TPD52: variants seen among roughly 807,000 people sequenced by gnomAD.
The protein encoded by TPD52 is tumor protein D52.
In TPD52, 17 loss-of-function variants were observed where a neutral mutation model predicts 31.3. That is an observed-to-expected ratio of 0.54 (90% CI 0.37 to 0.82). The LOEUF (loss-of-function observed/expected upper bound fraction) is 0.82. Among genes scored for constraint, TPD52 ranks in the 40% least tolerant of loss-of-function variants. The probability of loss-of-function intolerance (pLI) is 0.00; values close to 1 mark genes in which losing one functional copy is unlikely to be tolerated. For missense variants in TPD52, 212 were observed against 240.1 expected (o/e 0.88, Z 0.77); for synonymous variants, 83 against 89.6 (o/e 0.93, Z 0.42).
At chr8:80,147,834 A>G (rs909227067) in intron 1 of TPD52, among the ~76,000 whole-genome samples, 3 of 151,808 alleles carry the variant, frequency 2.0e-5, no homozygotes, top group Non-Finnish European at 2.9e-5. Context: ...ATACACACAC[A>G]CACGCACACA....
chr8:80,050,215 C>T, intron 5 of TPD52: 1 of 390,702 alleles, frequency 2.6e-6, no homozygotes. Context: ...AAATCATTTC[C>T]ATATCCCTTG....
chr8:80,109,669 A>C (rs971744811), intron 1 of TPD52, among the ~76,000 whole-genome samples: 5 of 152,190 alleles, frequency 3.3e-5, no homozygotes, highest in Admixed American at 6.5e-5. Flanking sequence ...GGCCTCCCAA[A>C]GTGCTGGGAT....
At chr8:80,064,737 C>T (rs1586200394) in intron 1 of TPD52, 144 bp from the exon 2 acceptor site, 1 of 714,948 alleles carries the variant, frequency 1.4e-6, no homozygotes. Flanking sequence ...ACCTGGCTTT[C>T]TCAGCAAAGG....
intron 7 of TPD52, chr8:80,042,049 A>C (rs1343811186): frequency 4.9e-6 from 2 of 406,942 alleles, no homozygotes; most frequent in African/African-American, 4.4e-5. Context: ...AGATCACGCC[A>C]CTGCACTCCA....
At chr8:80,060,034 C>A (rs1812344962) in intron 2 of TPD52, among the ~76,000 whole-genome samples, 1 of 149,672 alleles carries the variant, frequency 6.7e-6, no homozygotes, top group Non-Finnish European at 1.5e-5. Flanking sequence ...TGTGCCAAGA[C>A]TGCTGCCACT....
At chr8:80,045,687 T>C (rs1219386089) in intron 5 of TPD52, among the ~76,000 whole-genome samples, 1 of 152,186 alleles carries the variant, frequency 6.6e-6, no homozygotes, top group Non-Finnish European at 1.5e-5. Flanking sequence ...GGAATAGGTT[T>C]CTTGGTTTCA....
At chr8:80,124,101 GT>G in intron 1 of TPD52, among the ~76,000 whole-genome samples, 1 of 152,056 alleles carries the variant, frequency 6.6e-6, no homozygotes, top group Middle Eastern at 3.4e-3. Context: ...GAGGTAACAT[GT>G]TAGGCAATAC....
In TPD52 at chr8:80,154,151, A is replaced by C. The variant is rs767995944; in HGVS notation, c.19+17274T>G. Among the ~76,000 whole-genome samples the C allele has an allele frequency of 3.3e-5, 5 of 152,224 alleles. No homozygotes were observed. In the South Asian group the frequency reaches 1.0e-3, roughly 31 times the overall value. ...TGGTGGGAAAATGAACACACCTTTA[A>C]AATTCTAAAAAATAATATTATCATC... On this transcript the variant is annotated intron_variant, in intron 1 of 7. Coordinates refer to ENST00000518937, the MANE Select transcript of TPD52 (RefSeq NM_001025253.3).
chr8:80,052,979 A>T (rs1325047418), intron 3 of TPD52: 3 of 259,244 alleles, frequency 1.2e-5, no homozygotes, highest in Non-Finnish European at 2.2e-5. Context: ...TTACTGGGTT[A>T]TTCTGAGTAC....
intron 1 of TPD52, among the ~76,000 whole-genome samples, chr8:80,070,423 C>T (rs1813645942): frequency 6.6e-6 from 1 of 152,154 alleles, no homozygotes; most frequent in Non-Finnish European, 1.5e-5. Context: ...TCATGGAAGA[C>T]AATTTTTCCA....
intron 1 of TPD52, among the ~76,000 whole-genome samples, chr8:80,149,061 T>C (rs1050671923): frequency 2.6e-5 from 4 of 152,228 alleles, no homozygotes; most frequent in Middle Eastern, 3.4e-3. Flanking sequence ...TATCCAATTA[T>C]TAAAACAAAA....
chr8:80,159,226 G>A (rs1811195913), intron 1 of TPD52, among the ~76,000 whole-genome samples: 1 of 152,120 alleles, frequency 6.6e-6, no homozygotes, highest in African/African-American at 2.4e-5. Context: ...GAAGTTTAGT[G>A]ACTTATCCAA....
At chr8:80,166,912 T>A (rs1586434793) in intron 1 of TPD52, among the ~76,000 whole-genome samples, 2 of 151,900 alleles carry the variant, frequency 1.3e-5, no homozygotes, top group African/African-American at 2.4e-5. Context: ...TTAAAAAAAA[T>A]AATAATAAAA....
At chr8:80,156,610 C>A (rs1337752702) in intron 1 of TPD52, among the ~76,000 whole-genome samples, 1 of 151,892 alleles carries the variant, frequency 6.6e-6, no homozygotes, top group Non-Finnish European at 1.5e-5. Flanking sequence ...GACCTGAGGA[C>A]GTGTGATATT....
chr8:80,141,884 T>G (rs1014493512), intron 1 of TPD52, among the ~76,000 whole-genome samples: 2 of 151,822 alleles, frequency 1.3e-5, no homozygotes. Context: ...CACTCCAGCC[T>G]GGGCGACAGA....
At chr8:80,153,493 A>G (rs545268294) in intron 1 of TPD52, among the ~76,000 whole-genome samples, 59 of 152,356 alleles carry the variant, frequency 3.9e-4, no homozygotes, top group African/African-American at 1.3e-3. Context: ...CACTTTTAAA[A>G]TCAACAAAAG....
Position 80,117,734 on chromosome 8 carries a change from C to CTTTTT in TPD52, c.20-53146_20-53142dup, listed in dbSNP as rs57998208. On this transcript the variant is annotated intron_variant, in intron 1 of 7. Transcript: ENST00000518937. ...ACTCATGCTTTCTTTTTTTTTCTTTCTTTTTTTTTTTTTTTTGAGACAGAG... is the reference window on the plus strand; with the variant it reads ...ACTCATGCTTTCTTTTTTTTTCTTTCTTTTTTTTTTTTTTTTTTTTTGAGACAGAG... 3.0e-5 allele frequency among the ~76,000 whole-genome samples: 4 copies of CTTTTT among 131,398 alleles called. 1 individual carries two copies. Among genetic ancestry groups the CTTTTT allele is most frequent in the African/African-American group, 5.7e-5 (2 of 34,944 alleles). The allele number at this position is 131,398 out of a possible 152,430, so 86.2% of individuals were successfully genotyped here.
intron 1 of TPD52, among the ~76,000 whole-genome samples, chr8:80,073,595 A>G (rs1276129605): frequency 1.3e-5 from 2 of 152,218 alleles, no homozygotes; most frequent in Non-Finnish European, 2.9e-5. Flanking sequence ...TCTGATGCAC[A>G]GTGTCTGGCA....
chr8:80,084,372 A>T (rs1815569448), intron 1 of TPD52, among the ~76,000 whole-genome samples: 1 of 152,224 alleles, frequency 6.6e-6, no homozygotes, highest in Admixed American at 6.5e-5. Context: ...AGACACTGTC[A>T]ATCAATCAGT....
Sources: allele counts gnomAD v4.1 joint callset (sites outside exome capture counted in the v4.1 genomes callset), GRCh38; gene constraint gnomAD v4.1.1; transcripts MANE v1.5; gene names NCBI Gene and HGNC (gene_info 2026-07-23, HGNC 2026-07-21).